The following TACC1 variants were observed in gnomAD, a reference collection of about 807,000 sequenced individuals.
TACC1 encodes transforming acidic coiled-coil-containing protein 1.
TACC1 carries 48 observed loss-of-function variants against 84.4 expected under a neutral mutation model. The observed-to-expected ratio is 0.57, with a 90% confidence interval of 0.45 to 0.72. The LOEUF (loss-of-function observed/expected upper bound fraction) is 0.72. Among genes scored for constraint, TACC1 ranks in the 30% least tolerant of loss-of-function variants. The probability of loss-of-function intolerance (pLI) is 0.00; values close to 1 mark genes in which losing one functional copy is unlikely to be tolerated. For synonymous variants in TACC1, 372 were observed against 376.3 expected, an observed-to-expected ratio of 0.99 and a Z score of 0.13; for missense variants, 920 against 973.0, an observed-to-expected ratio of 0.95 and a Z score of 0.72.
chr8:38,805,746 T>G (rs1822543584), intron 2 of TACC1: 1 of 152,260 alleles, frequency 6.6e-6, no homozygotes, highest in African/African-American at 2.4e-5. Flanking sequence ...CTTCAGGTCC[T>G]GGCAAAACTG....
At chr8:38,796,972 A>G (rs1359673493) in intron 2 of TACC1, among the ~76,000 whole-genome samples, 1 of 152,248 alleles carries the variant, frequency 6.6e-6, no homozygotes, top group East Asian at 1.9e-4. Flanking sequence ...AATGCTGTCA[A>G]GATGTCGGCT....
At chr8:38,831,060 C>T (rs1244629371) in intron 5 of TACC1, 65 bp from the exon 6 acceptor site, 11 of 1,495,354 alleles carry the variant, frequency 7.4e-6, no homozygotes, top group Non-Finnish European at 9.3e-6. Context: ...TTTCCAAGAG[C>T]CTTTCACTAG....
intron 1 of TACC1, among the ~76,000 whole-genome samples, chr8:38,739,538 G>A (rs117166521): frequency 0.03 from 4,533 of 152,196 alleles, 171 homozygotes; most frequent in South Asian, 0.081. Flanking sequence ...CACCATTTTC[G>A]GTGCAGTTGT....
intron 2 of TACC1, among the ~76,000 whole-genome samples, chr8:38,799,033 G>A (rs1172339829): frequency 6.6e-6 from 1 of 152,224 alleles, no homozygotes; most frequent in Admixed American, 6.5e-5. Context: ...TAGCATTAAT[G>A]CTAATATACA....
chr8:38,772,025 AAGAGAGAGAG>A (rs35335324), intron 3 of TACC1, among the ~76,000 whole-genome samples: 57 of 148,602 alleles, frequency 3.8e-4, no homozygotes, highest in African/African-American at 1.3e-3. Context: ...AAGAAAGAAA[AAGAGAGAGAG>A]AGAGAGAGAG....
chr8:38,840,284 G>A lies in TACC1; in HGVS notation c.1960+17G>A. On this transcript the variant is annotated intron_variant, in intron 9 of 12. Transcript: ENST00000317827. ...AAATGATTGGTAAGGAGAACATTTT[G>A]TTTTTTGAGGGTATGAGCCATAGGA... 3.7e-6 allele frequency: 6 copies of A among 1,609,860 alleles called. No homozygotes were observed. The highest frequency in any genetic ancestry group is 5.1e-6 in the Non-Finnish European group (6 of 1,176,548).
chr8:38,787,887 G>T (rs1817658423), intron 1 of TACC1, 144 bp downstream of exon 1: 3 of 803,406 alleles, frequency 3.7e-6, no homozygotes, highest in Non-Finnish European at 5.5e-6. Context: ...GGGTCCCCGT[G>T]TGCGTCCGAA....
Position 38,769,213 on chromosome 8 carries a change from G to A in TACC1, c.27-19491G>A, listed in dbSNP as rs142736902. On this transcript the variant is annotated intron_variant, in intron 3 of 14. Coordinates refer to the TACC1 transcript ENST00000518415. Reference sequence around the variant, plus strand: ...TGTGTGTGGTGTGTGTGATTGTGTGGTGTGTGTATGTGTATGAGACTGTGT... The same window carrying A: ...TGTGTGTGGTGTGTGTGATTGTGTGATGTGTGTATGTGTATGAGACTGTGT... Among the ~76,000 whole-genome samples the A allele has an allele frequency of 1.1e-4, 16 of 146,050 alleles. No homozygotes were observed. In the South Asian group the frequency reaches 1.8e-3, roughly 16 times the overall value.
intron 3 of TACC1, among the ~76,000 whole-genome samples, chr8:38,822,830 TAG>T (rs1827178891): frequency 6.6e-6 from 1 of 152,166 alleles, no homozygotes; most frequent in Admixed American, 6.5e-5. Flanking sequence ...CACTAGACAA[TAG>T]TTTTTCAGTT....
At chr8:38,776,061 G>A (rs1814737978) in intron 3 of TACC1, among the ~76,000 whole-genome samples, 3 of 152,030 alleles carry the variant, frequency 2.0e-5, no homozygotes, top group African/African-American at 7.2e-5. Context: ...ATTTATTATT[G>A]TTATTATTTA....
chr8:38,824,528 T>A (rs550931470), intron 3 of TACC1: 3 of 152,534 alleles, frequency 2.0e-5, no homozygotes, highest in Non-Finnish European at 2.9e-5. Context: ...CTTATGTGCT[T>A]GTCTTTGTAT....
At chr8:38,801,117 T>G (rs141921048) in intron 2 of TACC1, among the ~76,000 whole-genome samples, 1 of 152,260 alleles carries the variant, frequency 6.6e-6, no homozygotes, top group African/African-American at 2.4e-5. Context: ...TTTTTATCAC[T>G]AAGTTATATA....
At chr8:38,843,607 A>G (rs918524627) in intron 11 of TACC1, 4 of 326,858 alleles carry the variant, frequency 1.2e-5, no homozygotes, top group African/African-American at 2.1e-5. Context: ...ATCTTTCTCT[A>G]TGCCAGGTAA....
rs565554318 is a variant in TACC1, at chr8:38,821,034, G to A, written c.1391+399G>A. Among the ~76,000 whole-genome samples the A allele has an allele frequency of 1.4e-4, 22 of 152,176 alleles. No homozygotes were observed. The East Asian group carries it at 3.1e-3, about 21-fold the overall frequency. On this transcript the variant is annotated intron_variant, in intron 3 of 12. Transcript: ENST00000317827. ...CAGTCTGACCAACATGGTGAAACCT[G>A]TCTCTACTAAAAATGCAAAAATTAG...
intron 1 of TACC1, among the ~76,000 whole-genome samples, chr8:38,729,977 C>G (rs1268191173): frequency 1.3e-5 from 2 of 152,194 alleles, no homozygotes; most frequent in African/African-American, 4.8e-5. Flanking sequence ...CTGGGGGCAC[C>G]AGGGACCTCC....
In TACC1 at chr8:38,787,564, A is replaced by G. The variant is rs1817556466; in HGVS notation, c.-19A>G. On this transcript the variant is annotated 5_prime_UTR_variant, in exon 1 of 13. Coordinates refer to ENST00000317827, the MANE Select transcript of TACC1 (RefSeq NM_006283.3). ...CCATTCCCCTGCCCCTAGGAGCTGG[A>G]GCCGGAGGAGCCGCGCTCATGGCGT... 2.0e-5 allele frequency: 31 copies of G among 1,533,866 alleles called. No homozygotes were observed. Among genetic ancestry groups the G allele is most frequent in the Non-Finnish European group, 2.6e-5 (30 of 1,140,058 alleles).
At chr8:38,846,942 C>CA (rs1434963022) in intron 12 of TACC1, 123 bp downstream of exon 12, 1 of 1,189,714 alleles carries the variant, frequency 8.4e-7, no homozygotes, top group African/African-American at 1.5e-5. Context: ...CATTTCAGTC[C>CA]AGCTCCTTTC....
At position 38,850,069 on chromosome 8, in the gene TACC1, T is replaced by C. The variant is rs993669636; in HGVS notation, c.*2046T>C. The C allele has an allele frequency of 6.5e-6, 1 of 152,674 alleles. No homozygotes were observed. Among genetic ancestry groups the C allele is most frequent in the Non-Finnish European group, 1.5e-5 (1 of 68,036 alleles). The allele number at this position is 152,674 out of a possible 1,614,324, so 9.5% of individuals were successfully genotyped here. A position where few individuals can be genotyped will look rare whatever the true frequency, so the allele number is the denominator to read the frequency against. ...TATAGTGCCCTCCATTGTAAATCCA[T>C]AGTCATCTTTTTAAGCTTATTGTGT... On this transcript the variant is annotated 3_prime_UTR_variant, in exon 13 of 13. Transcript: ENST00000317827.
At chr8:38,732,865 T>G (rs1805231966) in intron 1 of TACC1, among the ~76,000 whole-genome samples, 2 of 152,240 alleles carry the variant, frequency 1.3e-5, no homozygotes, top group African/African-American at 4.8e-5. Flanking sequence ...AATCTAATAA[T>G]TCCTGGCTTA....
Sources: gnomAD v4.1 joint callset for allele counts (sites outside exome capture counted in the v4.1 genomes callset) on GRCh38, gnomAD v4.1.1 for gene constraint, MANE v1.5 for transcripts, NCBI Gene and HGNC (gene_info 2026-07-23, HGNC 2026-07-21) for gene names.